The following SDK2 variants were observed in gnomAD, a reference collection of about 807,000 sequenced individuals.
SDK2 encodes sidekick cell adhesion molecule 2.
Under a neutral mutation model 253.9 loss-of-function variants are expected in SDK2, and 105 were observed. That is an observed-to-expected ratio of 0.41 (90% CI 0.35 to 0.49). SDK2 has a LOEUF of 0.49. SDK2 is among the 20% of genes least tolerant of loss of function. The probability of loss-of-function intolerance (pLI) is 0.06; values close to 1 mark genes in which losing one functional copy is unlikely to be tolerated. For synonymous variants in SDK2, 1,249 were observed against 1,234.9 expected (o/e 1.01, Z -0.24); for missense variants, 2,608 against 3,003.0 (o/e 0.87, Z 3.07).
chr17:73,587,111 T>C (rs1455050499), intron 1 of SDK2, among the ~76,000 whole-genome samples: 3 of 152,196 alleles, frequency 2.0e-5, no homozygotes, highest in Non-Finnish European at 4.4e-5. Flanking sequence ...TGCCCAAGAC[T>C]ATCCACCCAG....
chr17:73,504,284 GAGGGAAA>G (rs1403671513), intron 2 of SDK2: 21 of 133,492 alleles, frequency 1.6e-4, no homozygotes, highest in African/African-American at 5.2e-4. Flanking sequence ...GAGAGAGAGA[GAGGGAAA>G]GAAAGAGAGA....
Position 73,386,566 on chromosome 17 carries a change from G to A in SDK2, c.4395-18C>T, listed in dbSNP as rs1271295066. ...GCTTCAGCCTGTAGGGAGAAATCAG[G>A]GCCAATGAGCCAAGGTGCTCCTTAA... On this transcript the variant is annotated intron_variant, in intron 30 of 44. Coordinates refer to ENST00000392650, the MANE Select transcript of SDK2 (RefSeq NM_001144952.2). 24 of 1,525,160 alleles carry A rather than the reference G, an allele frequency of 1.6e-5. No individual in the cohort carries two copies. Among genetic ancestry groups the A allele is most frequent in the Non-Finnish European group, 2.0e-5 (23 of 1,123,348 alleles). The allele number at this position is 1,525,160 out of a possible 1,614,324, so 94.5% of individuals were successfully genotyped here. A position where few individuals can be genotyped will look rare whatever the true frequency, so the allele number is the denominator to read the frequency against.
chr17:73,432,561 C>T (rs554352804), intron 10 of SDK2, among the ~76,000 whole-genome samples: 52 of 152,104 alleles, frequency 3.4e-4, no homozygotes, highest in East Asian at 1.6e-3. Flanking sequence ...TCCTGGGAGA[C>T]GGCAGTGGAC....
chr17:73,617,780 C>T (rs2898560), intron 1 of SDK2, among the ~76,000 whole-genome samples: 47,904 of 151,992 alleles, frequency 0.32, 7,742 homozygotes, highest in South Asian at 0.37. Flanking sequence ...AAAGAATTCC[C>T]AATTCACCTC....
intron 1 of SDK2, among the ~76,000 whole-genome samples, chr17:73,632,154 T>C (rs1247291050): frequency 1.3e-5 from 2 of 152,174 alleles, no homozygotes; most frequent in Non-Finnish European, 2.9e-5. Flanking sequence ...AGTGTGATGG[T>C]TAATATTCAG....
At chr17:73,419,344 C>G (rs762953630) in intron 15 of SDK2, 38 bp from the exon 16 acceptor site, 5 of 1,600,028 alleles carry the variant, frequency 3.1e-6, no homozygotes, top group Non-Finnish European at 2.5e-6. Context: ...GTCTTGGGGT[C>G]AAACACAGGA....
At chr17:73,344,451 C>G (rs1014819109) in intron 44 of SDK2, among the ~76,000 whole-genome samples, 2 of 152,200 alleles carry the variant, frequency 1.3e-5, no homozygotes, top group Admixed American at 1.3e-4. Flanking sequence ...GTAGGCATGA[C>G]CCTCCAAGCA....
intron 32 of SDK2, among the ~76,000 whole-genome samples, chr17:73,385,185 TG>T (rs534893847): frequency 1.6e-3 from 239 of 152,266 alleles, no homozygotes; most frequent in African/African-American, 5.6e-3. Context: ...CCCTCTCATG[TG>T]GGTGACCTGC....
intron 23 of SDK2, 31 bp from the exon 24 acceptor site, chr17:73,398,216 A>T (rs763620712): frequency 6.2e-7 from 1 of 1,602,856 alleles, no homozygotes; most frequent in Non-Finnish European, 8.5e-7. Flanking sequence ...GCAAGATGGT[A>T]AGGGCAGCTC....
chr17:73,491,621 C>G (rs1211265689), intron 2 of SDK2, among the ~76,000 whole-genome samples: 1 of 152,188 alleles, frequency 6.6e-6, no homozygotes, highest in Non-Finnish European at 1.5e-5. Flanking sequence ...TGTGCCTGGC[C>G]CCTCTCTCTA....
At chr17:73,410,694 G>C (rs914493859) in intron 18 of SDK2, among the ~76,000 whole-genome samples, 1 of 152,292 alleles carries the variant, frequency 6.6e-6, no homozygotes, top group Admixed American at 6.5e-5. Flanking sequence ...GTACTGCCTG[G>C]CCCAGAGAAA....
At chr17:73,368,253 A>G (rs1489747259) in intron 37 of SDK2, among the ~76,000 whole-genome samples, 154 bp downstream of exon 37, 1 of 152,028 alleles carries the variant, frequency 6.6e-6, no homozygotes, top group East Asian at 1.9e-4. Context: ...CCCACTTGGG[A>G]GGGTGTCTCT....
At position 73,509,699 on chromosome 17, in the gene SDK2, C is replaced by T. The variant is rs116306452; in HGVS notation, c.65-2102G>A. On this transcript the variant is annotated intron_variant, in intron 1 of 44. Transcript: ENST00000392650. The stretch of plus-strand genomic sequence containing the variant: ...GGATTGCCTGAGATCAGGAGTAACA[C>T]GGTGCCTGGGCAATATGGTGAAATC... 3.4e-3 allele frequency among the ~76,000 whole-genome samples: 508 copies of T among 148,136 alleles called. 1 individual carries two copies. Among genetic ancestry groups the T allele is most frequent in the African/African-American group, 0.012 (486 of 40,172 alleles).
Position 73,399,263 on chromosome 17 carries a change from C to G in SDK2, c.2998G>C (p.Gly1000Arg), listed in dbSNP as rs948145544. The G allele has an allele frequency of 1.9e-6, 3 of 1,613,776 alleles. No individual in the cohort carries two copies. Among genetic ancestry groups the G allele is most frequent in the Non-Finnish European group, 2.5e-6 (3 of 1,179,772 alleles). ...PELPGPPTNL[G>R]ISNIGPRSVT... is the part of the protein sequence containing the mutation. ...GAGCGGGGGCCGATGTTGGAAATGC[C>G]CAGGTTGGTGGGGGGCCCTGGGAGT... The change falls in exon 22 of 45, where the codon GGC becomes CGC. Residue 1000 changes from glycine (G) to arginine (R), a missense_variant. Gly to Arg is a moderately radical substitution (Grantham distance 125). Transcript: ENST00000392650.
At position 73,447,842 on chromosome 17, in the gene SDK2, A is replaced by C; in HGVS notation, c.480-94T>G. ...GAAACCCTAAGGGGGAAGCCCGACC[A>C]TATCTCCCAGTCCCCAGCCTCCCAG... On this transcript the variant is annotated intron_variant, in intron 4 of 44. Coordinates refer to ENST00000392650, the MANE Select transcript of SDK2 (RefSeq NM_001144952.2). This position sits in a 1 kb window ranked among gnomAD's most constrained non-coding sequence, Gnocchi z 4.0. 1 of 1,446,906 alleles carries C rather than the reference A, an allele frequency of 6.9e-7. No homozygotes were observed. Among genetic ancestry groups the C allele is most frequent in the Non-Finnish European group, 9.4e-7 (1 of 1,061,590 alleles). 89.6% of individuals were successfully genotyped at this position (1,446,906 alleles called of 1,614,324 possible).
chr17:73,413,664 C>T (rs1033287405), intron 18 of SDK2, among the ~76,000 whole-genome samples: 11 of 152,194 alleles, frequency 7.2e-5, no homozygotes, highest in Non-Finnish European at 1.5e-4. Context: ...GAAATATTAT[C>T]TCACTTAATC....
Position 73,361,713 on chromosome 17 carries a change from T to A in SDK2, c.5438A>T (p.Glu1813Val). 6.2e-7 allele frequency: 1 copy of A among 1,612,542 alleles called. No individual in the cohort carries two copies. Among genetic ancestry groups the A allele is most frequent in the South Asian group, 1.1e-5 (1 of 91,042 alleles). The change falls in exon 39 of 45, where the codon GAA (glutamate) becomes GTA (valine). Residue 1813 changes from glutamate (E) to valine (V), a missense_variant. Glu to Val is a moderately radical substitution (Grantham distance 121). Coordinates refer to ENST00000392650, the MANE Select transcript of SDK2 (RefSeq NM_001144952.2). This position sits in a 1 kb window ranked among gnomAD's most constrained non-coding sequence, Gnocchi z 4.1. ...AKTFTYGPEI[E>V]ANVTTGPGEG... ...TCCGGGGCCCGTGGTGACGTTGGCT[T>A]CGATCTCCGGCCCGTAGGTGAAGGT...
At chr17:73,597,494 G>A (rs552690616) in intron 1 of SDK2, among the ~76,000 whole-genome samples, 1 of 152,258 alleles carries the variant, frequency 6.6e-6, no homozygotes, top group East Asian at 1.9e-4. Context: ...GCTCGTGGGA[G>A]ACACACAATC....
At chr17:73,432,860 G>A (rs373862082) in intron 10 of SDK2, among the ~76,000 whole-genome samples, 1 of 152,064 alleles carries the variant, frequency 6.6e-6, no homozygotes, top group Admixed American at 6.6e-5. Context: ...GTGTGCACAT[G>A]CGTGTGTGTG....
Sources: allele counts gnomAD v4.1 joint callset (sites outside exome capture counted in the v4.1 genomes callset), GRCh38; gene constraint gnomAD v4.1.1; non-coding constraint Gnocchi (gnomAD v3.1); transcripts MANE v1.5; gene names NCBI Gene and HGNC (gene_info 2026-07-23, HGNC 2026-07-21).